The following DPYD variants were observed in gnomAD, a reference collection of about 807,000 sequenced individuals.
The protein encoded by DPYD is dihydropyrimidine dehydrogenase, also known as dihydropyrimidine dehydrogenase [NADP(+)].
DPYD carries 109 observed loss-of-function variants against 116.2 expected under a neutral mutation model. That is an observed-to-expected ratio of 0.94 (90% CI 0.80 to 1.10). The LOEUF (loss-of-function observed/expected upper bound fraction) is 1.10, where lower values mean the gene tolerates loss of function less well. DPYD is among the 50% of genes least tolerant of loss of function. The pLI is 0.00. For synonymous variants in DPYD, 440 were observed against 432.0 expected (o/e 1.02, Z -0.23); for missense variants, 1,302 against 1,254.5 (o/e 1.04, Z -0.57).
intron 19 of DPYD, among the ~76,000 whole-genome samples, chr1:97,224,262 T>C (rs1412406853): frequency 6.6e-6 from 1 of 152,026 alleles, no homozygotes; most frequent in African/African-American, 2.4e-5. Context: ...TTACATCTGG[T>C]TCTGTTGTAA....
At chr1:97,553,082 A>C (rs1651443850) in intron 11 of DPYD, among the ~76,000 whole-genome samples, 1 of 151,982 alleles carries the variant, frequency 6.6e-6, no homozygotes, top group Admixed American at 6.6e-5. Context: ...AGTAGCCCTA[A>C]GCACCAAGAA....
At chr1:97,469,030 T>C (rs540527453) in intron 13 of DPYD, among the ~76,000 whole-genome samples, 1 of 152,256 alleles carries the variant, frequency 6.6e-6, no homozygotes, top group South Asian at 2.1e-4. Flanking sequence ...ACTCCAAAAT[T>C]ATCAGAGCTG....
intron 20 of DPYD, among the ~76,000 whole-genome samples, chr1:97,154,953 C>T (rs895364696): frequency 3.9e-5 from 6 of 152,074 alleles, no homozygotes; most frequent in African/African-American, 1.4e-4. Context: ...GTCTAGGTAG[C>T]ATACATGATA....
rs192797153 is a variant in DPYD at position 97,430,470 on chromosome 1, T to C, written c.1905+19589A>G. 7.7e-3 allele frequency among the ~76,000 whole-genome samples: 1,178 copies of C among 152,270 alleles called. 10 individuals are homozygous for C. Among genetic ancestry groups the C allele is most frequent in the Non-Finnish European group, 0.013 (905 of 68,012 alleles). On this transcript the variant is annotated intron_variant, in intron 14 of 22. Coordinates refer to ENST00000370192, the MANE Select transcript of DPYD (RefSeq NM_000110.4). The stretch of plus-strand genomic sequence containing the variant: ...AACATTTTATGGCATATGTCCTTTA[T>C]TTATAAGACTGATTTTTATAGATTA...
chr1:97,725,866 T>A (rs1663227368), intron 4 of DPYD, among the ~76,000 whole-genome samples: 1 of 151,506 alleles, frequency 6.6e-6, no homozygotes, highest in Non-Finnish European at 1.5e-5. Context: ...GAGGTTTTTT[T>A]TAGCGGTGAT....
intron 18 of DPYD, among the ~76,000 whole-genome samples, chr1:97,264,076 T>A (rs577847451): frequency 6.7e-6 from 1 of 149,484 alleles, no homozygotes. Flanking sequence ...CAGGCTGAAA[T>A]GGAAGAGCCA....
intron 2 of DPYD, among the ~76,000 whole-genome samples, chr1:97,862,537 C>T (rs4523552): frequency 0.21 from 31,517 of 151,740 alleles, 3,443 homozygotes; most frequent in South Asian, 0.24. Flanking sequence ...CTTACTTCTC[C>T]CTATTTTATA....
chr1:97,593,263 G>A lies in DPYD; in HGVS notation c.1083C>T (p.Ile361=), dbSNP rs372369973. 6.8e-6 allele frequency: 11 copies of A among 1,613,946 alleles called. No individual in the cohort carries two copies. Among genetic ancestry groups the A allele is most frequent in the African/African-American group, 5.3e-5 (4 of 74,884 alleles). ...TATTAACAAAGCCTTTTCTGAAGAC[G>A]ATGAACACACGGCGAGCTCCACAAC... The part of the protein sequence containing the change: ...ALRCGARRVF[I]VFRKGFVNIR... The change falls in exon 10 of 23, where the codon ATC becomes ATT. Residue 361 remains isoleucine (I), a synonymous_variant. Transcript: ENST00000370192.
chr1:97,509,649 C>T (rs1442932547), intron 13 of DPYD, among the ~76,000 whole-genome samples: 2 of 151,914 alleles, frequency 1.3e-5, no homozygotes, highest in Non-Finnish European at 2.9e-5. Context: ...ACCTAGGACA[C>T]ACTGGGTCAG....
At chr1:97,385,280 CAAAAAAAAAAAAAAAAAAAAAAAAAA>C (rs567156406) in intron 14 of DPYD, among the ~76,000 whole-genome samples, 3 of 48,940 alleles carry the variant, frequency 6.1e-5, no homozygotes, top group South Asian at 1.1e-3. Context: ...GCATTCCTTG[CAAAAAAAAAAAAAAAAAAAAAAAAAA>C]AAAAAAAAAA....
At chr1:97,656,171 A>G (rs1417581596) in intron 8 of DPYD, among the ~76,000 whole-genome samples, 1 of 152,196 alleles carries the variant, frequency 6.6e-6, no homozygotes, top group Non-Finnish European at 1.5e-5. Context: ...AAACTGTCAT[A>G]TTCTACCTAC....
intron 8 of DPYD, among the ~76,000 whole-genome samples, chr1:97,655,053 A>G (rs1433062347): frequency 6.6e-6 from 1 of 152,140 alleles, no homozygotes; most frequent in African/African-American, 2.4e-5. Context: ...CTCTCACAAC[A>G]TGTAGGAATT....
At chr1:97,852,810 G>C (rs1461734517) in intron 2 of DPYD, among the ~76,000 whole-genome samples, 2 of 152,100 alleles carry the variant, frequency 1.3e-5, no homozygotes. Context: ...GGCAAAAAAT[G>C]ATGTTCGTCA....
intron 3 of DPYD, chr1:97,774,890 A>C (rs898857154): frequency 3.2e-5 from 8 of 247,680 alleles, no homozygotes; most frequent in Non-Finnish European, 4.4e-5. Flanking sequence ...CATACAAGGG[A>C]AAAACCTTTT....
In DPYD at chr1:97,670,976, C is replaced by T. The variant is rs189420019; in HGVS notation, c.850+8119G>A. On this transcript the variant is annotated intron_variant, in intron 8 of 22. Coordinates refer to ENST00000370192, the MANE Select transcript of DPYD (RefSeq NM_000110.4). Reference sequence around the variant, plus strand: ...ATAGAAAAATATAATAAAAATTCCTCCATGTCTCCATCCAAAGAAATACAA... The same window carrying T: ...ATAGAAAAATATAATAAAAATTCCTTCATGTCTCCATCCAAAGAAATACAA... Among the ~76,000 whole-genome samples the T allele has an allele frequency of 5.3e-3, 800 of 152,054 alleles. 4 individuals are homozygous for T. Among genetic ancestry groups the T allele is most frequent in the African/African-American group, 0.018 (751 of 41,502 alleles).
At chr1:97,508,675 G>T (rs17377142) in intron 13 of DPYD, among the ~76,000 whole-genome samples, 1 of 151,854 alleles carries the variant, frequency 6.6e-6, no homozygotes, top group Non-Finnish European at 1.5e-5. Flanking sequence ...AAGTAATATG[G>T]TCCAGAGAGG....
chr1:97,865,245 A>G (rs1043625601), intron 2 of DPYD, among the ~76,000 whole-genome samples: 3 of 151,958 alleles, frequency 2.0e-5, no homozygotes, highest in African/African-American at 7.2e-5. Flanking sequence ...CAAGCAGAGT[A>G]AGCTTGTTGA....
At chr1:97,591,447 T>C (rs1216980270) in intron 10 of DPYD, among the ~76,000 whole-genome samples, 4 of 152,202 alleles carry the variant, frequency 2.6e-5, no homozygotes, top group East Asian at 1.9e-4. Context: ...TGGTACATAA[T>C]AGATGCTCAG....
chr1:97,394,893 A>G lies in DPYD; in HGVS notation c.1906-12432T>C, dbSNP rs1341126440. On this transcript the variant is annotated intron_variant, in intron 14 of 22. Transcript: ENST00000370192. ...GTTCAATTTGGCTGACTTTGAAACA[A>G]ATGGTTACGTTTCATAAAAAATGAA... 2.6e-5 allele frequency among the ~76,000 whole-genome samples: 4 copies of G among 152,066 alleles called. No individual in the cohort carries two copies. The East Asian group carries it at 7.7e-4, about 29-fold the overall frequency.
Sources: allele counts gnomAD v4.1 joint callset (sites outside exome capture counted in the v4.1 genomes callset), GRCh38; gene constraint gnomAD v4.1.1; transcripts MANE v1.5; gene names NCBI Gene and HGNC (gene_info 2026-07-23, HGNC 2026-07-21).